KIAA1549L: variants seen among roughly 807,000 people sequenced by gnomAD.
The protein encoded by KIAA1549L is KIAA1549 like, also known as UPF0606 protein KIAA1549L.
KIAA1549L carries 88 observed loss-of-function variants against 160.7 expected under a neutral mutation model. The ratio of observed to expected loss-of-function variants is 0.55; its 90% confidence interval spans 0.46 to 0.65. KIAA1549L has a LOEUF of 0.65. Among genes scored for constraint, KIAA1549L ranks in the 30% least tolerant of loss-of-function variants. KIAA1549L has a pLI of 0.00. For synonymous variants in KIAA1549L, 950 were observed against 976.7 expected, an observed-to-expected ratio of 0.97 and a Z score of 0.51; for missense variants, 2,258 against 2,437.5, an observed-to-expected ratio of 0.93 and a Z score of 1.55.
chr11:33,654,412 A>G (rs948953716), intron 17 of KIAA1549L, among the ~76,000 whole-genome samples: 3 of 152,072 alleles, frequency 2.0e-5, no homozygotes, highest in African/African-American at 7.2e-5. Flanking sequence ...TGGTGTGTTC[A>G]TGGTCTTAGA....
chr11:33,645,916 G>C lies in KIAA1549L; in HGVS notation c.5640G>C (p.Gln1880His), dbSNP rs1449549284. 1 of 1,613,414 alleles carries C rather than the reference G, an allele frequency of 6.2e-7. No homozygotes were observed. Among genetic ancestry groups the C allele is most frequent in the South Asian group, 1.1e-5 (1 of 91,004 alleles). ...ACCAAGAGGCCTACGGCTCAGCCCA[G>C]CACCTGCCCTATTCGGAGGTGGTGA... ...SRHQEAYGSA[Q>H]HLPYSEVVTS... The change falls in exon 17 of 21, where the codon CAG becomes CAC. Residue 1880 changes from glutamine (Q) to histidine (H), a missense_variant. Physicochemically the swap from Gln to His is conservative, Grantham distance 24. This residue lies in a region of KIAA1549L where 1,359 missense variants were observed against 1,546.6 expected (regional missense o/e 0.88). Transcript: ENST00000658780.
At chr11:33,511,380 T>C (rs560637738) in intron 1 of KIAA1549L, among the ~76,000 whole-genome samples, 2 of 152,324 alleles carry the variant, frequency 1.3e-5, no homozygotes, top group African/African-American at 2.4e-5. Flanking sequence ...GATACTGATA[T>C]CTTACTCAGG....
chr11:33,389,548 GTTATTATC>G (rs1850233200), intron 1 of KIAA1549L, among the ~76,000 whole-genome samples: 1 of 152,136 alleles, frequency 6.6e-6, no homozygotes, highest in Admixed American at 6.5e-5. Context: ...GCAGTTTCCT[GTTATTATC>G]TTATTAATAC....
intron 1 of KIAA1549L, among the ~76,000 whole-genome samples, chr11:33,404,466 G>T (rs778874585): frequency 5.9e-5 from 9 of 152,130 alleles, no homozygotes; most frequent in African/African-American, 9.7e-5. Context: ...GGAGGTTGTT[G>T]CAGTGAGCCA....
In KIAA1549L at chr11:33,542,078, C is replaced by T; in HGVS notation, c.515C>T (p.Ser172Phe). ...GGACATAGCGCCTCCCTCGAACCTT[C>T]CAAGGATTCTACCGAGTCCCTGGTC... ...GSGHSASLEPSKDSTESLVQP... is the reference protein window; with the variant it reads ...GSGHSASLEPFKDSTESLVQP... The change falls in exon 2 of 21, where the codon TCC (serine) becomes TTC (phenylalanine). Residue 172 changes from serine to phenylalanine, a missense_variant. By Grantham distance (155) the Ser-to-Phe change is radical. Coordinates refer to ENST00000658780, the MANE Select transcript of KIAA1549L (RefSeq NM_012194.3). 2.1e-6 allele frequency: 1 copy of T among 480,914 alleles called. No individual in the cohort carries two copies. Among genetic ancestry groups the T allele is most frequent in the Non-Finnish European group, 4.1e-6 (1 of 243,406 alleles). 29.8% of individuals were successfully genotyped at this position (480,914 alleles called of 1,614,324 possible). A position where few individuals can be genotyped will look rare whatever the true frequency, so the allele number is the denominator to read the frequency against.
chr11:33,622,844 C>T (rs1850997083), intron 16 of KIAA1549L, among the ~76,000 whole-genome samples: 1 of 152,180 alleles, frequency 6.6e-6, no homozygotes. Context: ...GAGCCCGTTT[C>T]TCAGAGCTCA....
intron 1 of KIAA1549L, among the ~76,000 whole-genome samples, chr11:33,497,354 G>A (rs1852844672): frequency 2.0e-5 from 3 of 152,106 alleles, no homozygotes; most frequent in Admixed American, 1.3e-4. Flanking sequence ...GCCCCAAAAT[G>A]TGACCTTCTT....
At chr11:33,575,228 G>T (rs1340881572) in intron 10 of KIAA1549L, among the ~76,000 whole-genome samples, 1 of 152,200 alleles carries the variant, frequency 6.6e-6, no homozygotes, top group African/African-American at 2.4e-5. Context: ...ACATGAAGTC[G>T]CTTAGTGCTG....
chr11:33,449,389 C>T (rs1851676549), intron 1 of KIAA1549L, among the ~76,000 whole-genome samples: 1 of 152,056 alleles, frequency 6.6e-6, no homozygotes, highest in Non-Finnish European at 1.5e-5. Flanking sequence ...CATTTATTAA[C>T]TGAGACTTGC....
intron 1 of KIAA1549L, among the ~76,000 whole-genome samples, chr11:33,397,285 G>C (rs900586981): frequency 6.8e-6 from 1 of 146,034 alleles, no homozygotes; most frequent in Non-Finnish European, 1.5e-5. Context: ...AGTGAGCTGG[G>C]GTTGTGCCAT....
At chr11:33,528,304 A>G (rs149818302) in intron 1 of KIAA1549L, among the ~76,000 whole-genome samples, 213 of 152,360 alleles carry the variant, frequency 1.4e-3, no homozygotes, top group African/African-American at 4.8e-3. Context: ...AAGAATGGCC[A>G]TAATTAAAAA....
At chr11:33,433,987 G>A (rs1199255411) in intron 1 of KIAA1549L, among the ~76,000 whole-genome samples, 1 of 151,818 alleles carries the variant, frequency 6.6e-6, no homozygotes, top group Non-Finnish European at 1.5e-5. Flanking sequence ...TCAATAGGTG[G>A]AGCAAACCAC....
Position 33,591,386 on chromosome 11 carries a change from C to A in KIAA1549L, c.4716C>A (p.Thr1572=). Residue 1572 remains threonine (T), a synonymous_variant, in exon 12 of 21, where the codon ACC becomes ACA. Coordinates refer to ENST00000658780, the MANE Select transcript of KIAA1549L (RefSeq NM_012194.3). ...QERDVAQDGS[T]IKTAKSTETR... ...GAGACGTCGCTCAGGATGGAAGCAC[C>A]ATCAAGACCGCCAAATCCACTGAAA... 1 of 1,610,252 alleles carries A rather than the reference C, an allele frequency of 6.2e-7. No individual in the cohort carries two copies. The highest frequency in any genetic ancestry group is 1.1e-5 in the South Asian group (1 of 90,892).
intron 1 of KIAA1549L, among the ~76,000 whole-genome samples, chr11:33,432,840 C>T (rs1162813768): frequency 6.6e-6 from 1 of 152,132 alleles, no homozygotes; most frequent in African/African-American, 2.4e-5. Flanking sequence ...GGGAAAGGAT[C>T]TCCTGTTCAG....
chr11:33,581,600 A>G (rs1481094327), intron 10 of KIAA1549L, among the ~76,000 whole-genome samples: 1 of 152,334 alleles, frequency 6.6e-6, no homozygotes, highest in African/African-American at 2.4e-5. Flanking sequence ...CTAAGGACCT[A>G]TCACAGCGCC....
chr11:33,402,157 C>G (rs1590220600), intron 1 of KIAA1549L, among the ~76,000 whole-genome samples: 1 of 152,296 alleles, frequency 6.6e-6, no homozygotes, highest in East Asian at 1.9e-4. Context: ...GCTAGGTGGT[C>G]TCTAGTCACC....
rs150035189 is a variant in KIAA1549L at position 33,553,661 on chromosome 11, GCT to G, written c.3855+1425_3855+1426del. Among the ~76,000 whole-genome samples, 1,209 of 152,324 alleles carry G rather than the reference GCT, an allele frequency of 7.9e-3. 16 individuals carry two copies. The highest frequency in any genetic ancestry group is 0.028 in the African/African-American group (1,156 of 41,570). ...AGATTTATGTAAGGAGTGTGACTCA[GCT>G]CTCTTGTGGGAACTCTTTTTCTTTC... On this transcript the variant is annotated intron_variant, in intron 6 of 20. Coordinates refer to ENST00000658780, the MANE Select transcript of KIAA1549L (RefSeq NM_012194.3).
At chr11:33,393,511 T>C (rs1850310775) in intron 1 of KIAA1549L, among the ~76,000 whole-genome samples, 1 of 152,222 alleles carries the variant, frequency 6.6e-6, no homozygotes, top group Admixed American at 6.5e-5. Flanking sequence ...AAAACTATTT[T>C]GGTTATAAGT....
chr11:33,523,236 A>G (rs1853537022), intron 1 of KIAA1549L, among the ~76,000 whole-genome samples: 1 of 152,228 alleles, frequency 6.6e-6, no homozygotes, highest in Admixed American at 6.5e-5. Flanking sequence ...CAGGTATCAC[A>G]CAAAAAAGAA....
Sources: allele counts gnomAD v4.1 joint callset (sites outside exome capture counted in the v4.1 genomes callset), GRCh38; gene constraint gnomAD v4.1.1; regional missense constraint gnomAD v4.1.1; transcripts MANE v1.5; gene names NCBI Gene and HGNC (gene_info 2026-07-23, HGNC 2026-07-21).